TMOD3: variants seen among roughly 807,000 people sequenced by gnomAD.
TMOD3 encodes tropomodulin 3, also known as tropomodulin-3.
TMOD3 carries 20 observed loss-of-function variants against 39.2 expected under a neutral mutation model. That is an observed-to-expected ratio of 0.51 (90% CI 0.36 to 0.74). The LOEUF (loss-of-function observed/expected upper bound fraction) is 0.74, where lower values mean the gene tolerates loss of function less well. Among genes scored for constraint, TMOD3 ranks in the 30% least tolerant of loss-of-function variants. The pLI is 0.00. For missense variants in TMOD3, 381 were observed against 412.8 expected (o/e 0.92, Z 0.67); for synonymous variants, 143 against 145.8 (o/e 0.98, Z 0.14).
In TMOD3 at chr15:51,909,308, T is replaced by G. The variant is rs1159410294; in HGVS notation, c.*498T>G. 1 of 153,262 alleles carries G rather than the reference T, an allele frequency of 6.5e-6. No homozygotes were observed. Among genetic ancestry groups the G allele is most frequent in the Non-Finnish European group, 1.5e-5 (1 of 68,648 alleles). The allele number at this position is 153,262 out of a possible 1,614,324, so 9.5% of individuals were successfully genotyped here. A position where few individuals can be genotyped will look rare whatever the true frequency, so the allele number is the denominator to read the frequency against. ...TCAAGAGAACAAAATGCCAGAATGT[T>G]AAAACAGTTAACTCAAAATCTAGTC... is the stretch of plus-strand genomic sequence containing the variant. On this transcript the variant is annotated 3_prime_UTR_variant, in exon 10 of 10. Coordinates refer to ENST00000308580, the MANE Select transcript of TMOD3 (RefSeq NM_014547.5).
chr15:51,863,027 G>A lies in TMOD3; in HGVS notation c.126+17G>A, dbSNP rs2056427176. 2 of 1,598,350 alleles carry A rather than the reference G, an allele frequency of 1.3e-6. No homozygotes were observed. The highest frequency in any genetic ancestry group is 2.7e-5 in the African/African-American group (2 of 73,876). On this transcript the variant is annotated intron_variant, in intron 2 of 9. Transcript: ENST00000308580. The stretch of plus-strand genomic sequence containing the variant: ...GACCCCGAGGTAGGTGCTAGGTGAT[G>A]AAGAGAAATGAAATAACTTTTCGAA...
At chr15:51,850,174 T>C (rs1402973197) in intron 1 of TMOD3, among the ~76,000 whole-genome samples, 2 of 152,096 alleles carry the variant, frequency 1.3e-5, no homozygotes, top group Admixed American at 1.3e-4. Context: ...AAGGAGAGTT[T>C]ATATGTTTTT....
chr15:51,904,705 T>G (rs2056669332), intron 9 of TMOD3, among the ~76,000 whole-genome samples: 1 of 152,312 alleles, frequency 6.6e-6, no homozygotes, highest in African/African-American at 2.4e-5. Context: ...GTAGACACTT[T>G]GCCTGCATTT....
intron 1 of TMOD3, among the ~76,000 whole-genome samples, chr15:51,845,535 T>A (rs1177245356): frequency 6.6e-6 from 1 of 152,120 alleles, no homozygotes; most frequent in East Asian, 1.9e-4. Flanking sequence ...GGTGGGAACA[T>A]CGCTTGAGCT....
chr15:51,844,712 A>G (rs1410649533), intron 1 of TMOD3, among the ~76,000 whole-genome samples: 2 of 152,308 alleles, frequency 1.3e-5, no homozygotes, highest in Admixed American at 6.5e-5. Flanking sequence ...TTTTGCATTA[A>G]TTCCTATGAT....
chr15:51,896,286 G>T, intron 6 of TMOD3, 133 bp from the exon 7 acceptor site: 1 of 613,094 alleles, frequency 1.6e-6, no homozygotes, highest in Non-Finnish European at 2.8e-6. Flanking sequence ...GTATTCATTT[G>T]TAGACTAATT....
In TMOD3 at chr15:51,887,726, AAGTT is replaced by A. The variant is rs763964681; in HGVS notation, c.406+17_406+20del. The A allele has an allele frequency of 5.6e-6, 9 of 1,613,168 alleles. No individual in the cohort carries two copies. In the South Asian group the frequency reaches 9.9e-5, roughly 18 times the overall value. On this transcript the variant is annotated intron_variant, in intron 4 of 9. Transcript: ENST00000308580. Reference sequence around the variant, plus strand: ...TGACCTCGCAGGTATCACCTAAAACAAGTTAATTTGTGAATAAGTGTGGGGTGGA... The same window carrying A: ...TGACCTCGCAGGTATCACCTAAAACAAATTTGTGAATAAGTGTGGGGTGGA...
chr15:51,862,164 G>T lies in TMOD3; in HGVS notation c.-74-647G>T, dbSNP rs373249573. ...ACCGCACAGGAAGGAAATGATGATG[G>T]TCCCTTCCCACAGTCAGACCCTCCC... On this transcript the variant is annotated intron_variant, in intron 1 of 9. Coordinates refer to ENST00000308580, the MANE Select transcript of TMOD3 (RefSeq NM_014547.5). Among the ~76,000 whole-genome samples, 27 of 152,154 alleles carry T rather than the reference G, an allele frequency of 1.8e-4. No homozygotes were observed. The East Asian group carries it at 1.9e-3, about 11-fold the overall frequency.
rs1230551269 is a variant in TMOD3 at position 51,910,933 on chromosome 15, C to T, written c.*2123C>T. The T allele has an allele frequency of 6.6e-6, 1 of 152,254 alleles. No homozygotes were observed. Among genetic ancestry groups the T allele is most frequent in the East Asian group, 1.9e-4 (1 of 5,200 alleles). The allele number at this position is 152,254 out of a possible 1,614,324, so 9.4% of individuals were successfully genotyped here. ...TTTCTTGCCTCCCTTGCCTCCATCC[C>T]TCTCCCTTCCTACCTTCTCTATTTA... is the stretch of plus-strand genomic sequence containing the variant. On this transcript the variant is annotated 3_prime_UTR_variant, in exon 10 of 10. Coordinates refer to ENST00000308580, the MANE Select transcript of TMOD3 (RefSeq NM_014547.5).
intron 1 of TMOD3, among the ~76,000 whole-genome samples, chr15:51,844,291 G>T (rs959035599): frequency 3.3e-5 from 5 of 152,104 alleles, no homozygotes; most frequent in Admixed American, 6.6e-5. Flanking sequence ...GAGGTCTTTT[G>T]TTAACCAGTA....
At chr15:51,847,485 G>A (rs1342971610) in intron 1 of TMOD3, among the ~76,000 whole-genome samples, 1 of 152,138 alleles carries the variant, frequency 6.6e-6, no homozygotes, top group African/African-American at 2.4e-5. Flanking sequence ...TCACTGAGCT[G>A]TGCTAATATC....
chr15:51,874,517 T>C lies in TMOD3; in HGVS notation c.283+5144T>C, dbSNP rs2056491747. On this transcript the variant is annotated intron_variant, in intron 3 of 9. Transcript: ENST00000308580. ...AAGAGAGTATTCATCCAGCTTGTTC[T>C]CGTTTGGAGAATGGTGAAAATTCTC... Among the ~76,000 whole-genome samples, 3 of 152,214 alleles carry C rather than the reference T, an allele frequency of 2.0e-5. 1 individual carries two copies. The South Asian group carries it at 6.2e-4, about 32-fold the overall frequency.
rs887214691 is a variant in TMOD3 at position 51,910,749 on chromosome 15, T to G, written c.*1939T>G. On this transcript the variant is annotated 3_prime_UTR_variant, in exon 10 of 10. Coordinates refer to ENST00000308580, the MANE Select transcript of TMOD3 (RefSeq NM_014547.5). ...AGAACTGTGGTGTTTCTCTTTTTTT[T>G]TTTTTGTTTTGGTTTGTTTTGGTTT... 4.6e-5 allele frequency: 7 copies of G among 152,014 alleles called. No homozygotes were observed. Among genetic ancestry groups the G allele is most frequent in the African/African-American group, 1.7e-4 (7 of 41,364 alleles). 9.4% of individuals were successfully genotyped at this position (152,014 alleles called of 1,614,324 possible).
intron 5 of TMOD3, chr15:51,892,329 C>A (rs1328831965): frequency 7.6e-6 from 1 of 130,916 alleles, no homozygotes; most frequent in East Asian, 2.1e-4. Context: ...AATGTTTTCC[C>A]CAGAAAATGT....
chr15:51,867,545 C>T (rs993986415), intron 2 of TMOD3, among the ~76,000 whole-genome samples: 5 of 152,130 alleles, frequency 3.3e-5, no homozygotes, highest in African/African-American at 1.2e-4. Context: ...TTATGTGTCT[C>T]AACAAATGAC....
At chr15:51,889,019 T>G in intron 4 of TMOD3, 37 bp from the exon 5 acceptor site, 4 of 1,396,002 alleles carry the variant, frequency 2.9e-6, no homozygotes, top group Non-Finnish European at 4.0e-6. Flanking sequence ...CTCTTCATGT[T>G]TAAAACAATA....
rs1305415217 is a variant in TMOD3, at chr15:51,889,115, A to G, written c.466A>G (p.Ser156Gly). The change falls in exon 5 of 10, where the codon AGT becomes GGT. Residue 156 changes from serine to glycine, a missense_variant. By Grantham distance (56) the Ser-to-Gly change is moderately conservative. Transcript: ENST00000308580. ...NTKFCNIMGS[S>G]NGVDQEHFSN... ...AAAGTTCTGTAATATAATGGGAAGTAGTAATGGTGTTGACCAAGAACATTT... is the reference window on the plus strand; with the variant it reads ...AAAGTTCTGTAATATAATGGGAAGTGGTAATGGTGTTGACCAAGAACATTT... 1.2e-6 allele frequency: 2 copies of G among 1,602,868 alleles called. No individual in the cohort carries two copies. Among genetic ancestry groups the G allele is most frequent in the African/African-American group, 2.7e-5 (2 of 74,254 alleles).
intron 2 of TMOD3, among the ~76,000 whole-genome samples, chr15:51,867,718 G>A (rs1682002445): frequency 6.6e-6 from 1 of 152,198 alleles, no homozygotes; most frequent in Non-Finnish European, 1.5e-5. Flanking sequence ...TGGCCCTTTT[G>A]TGTGATTTCT....
At position 51,863,093 on chromosome 15, in the gene TMOD3, C is replaced by G. The variant is rs528350661; in HGVS notation, c.126+83C>G. The G allele has an allele frequency of 1.6e-3, 2,309 of 1,429,250 alleles. 2 individuals are homozygous for G. The highest frequency in any genetic ancestry group is 2.2e-3 in the South Asian group (162 of 74,102). The allele number at this position is 1,429,250 out of a possible 1,614,324, so 88.5% of individuals were successfully genotyped here. ...TAGCTGCCTTTGAGCTTTTCCATGA[C>G]TTTTCTCTGGCACCTTCCACCCTTT... is the stretch of plus-strand genomic sequence containing the variant. On this transcript the variant is annotated intron_variant, in intron 2 of 9. Coordinates refer to ENST00000308580, the MANE Select transcript of TMOD3 (RefSeq NM_014547.5).
Sources: allele counts gnomAD v4.1 joint callset (sites outside exome capture counted in the v4.1 genomes callset), GRCh38; gene constraint gnomAD v4.1.1; transcripts MANE v1.5; gene names NCBI Gene and HGNC (gene_info 2026-07-23, HGNC 2026-07-21).